The following TUBGCP3 variants were observed in gnomAD, a reference collection of about 807,000 sequenced individuals.
TUBGCP3 encodes the protein gamma-tubulin complex component 3.
TUBGCP3 carries 50 observed loss-of-function variants against 123.1 expected under a neutral mutation model. That is an observed-to-expected ratio of 0.41 (90% CI 0.32 to 0.51). The LOEUF is 0.51. Among genes scored for constraint, TUBGCP3 ranks in the 20% least tolerant of loss-of-function variants. TUBGCP3 has a pLI of 0.36. For missense variants in TUBGCP3, 882 were observed against 1,127.0 expected (o/e 0.78, Z 3.11); for synonymous variants, 405 against 413.9 (o/e 0.98, Z 0.26).
chr13:112,554,854 G>T (rs1217322375), intron 7 of TUBGCP3, 33 bp downstream of exon 7: 2 of 1,471,984 alleles, frequency 1.4e-6, no homozygotes, highest in South Asian at 1.2e-5. Flanking sequence ...TTTTCTTTCT[G>T]AATATTTTAA....
chr13:112,561,033 G>A (rs1389466478), intron 3 of TUBGCP3, among the ~76,000 whole-genome samples: 1 of 152,262 alleles, frequency 6.6e-6, no homozygotes, highest in Non-Finnish European at 1.5e-5. Flanking sequence ...ACATCGGAAT[G>A]AGGCCTCCAC....
At chr13:112,587,779 C>T in intron 1 of TUBGCP3, 126 bp downstream of exon 1, 1 of 818,944 alleles carries the variant, frequency 1.2e-6, no homozygotes, top group Non-Finnish European at 1.8e-6. Flanking sequence ...GTCCTCGGCC[C>T]GTCCCCCAGC....
chr13:112,530,080 G>A lies in TUBGCP3; in HGVS notation c.1336-2596C>T, dbSNP rs561021669. Among the ~76,000 whole-genome samples the A allele has an allele frequency of 1.7e-4, 26 of 152,230 alleles. 1 individual carries two copies. Among genetic ancestry groups the A allele is most frequent in the Middle Eastern group, 3.4e-3 (1 of 294 alleles). ...AGACATAATTCTCAGGTTGCTTAAC[G>A]TATTCTAGGCCACAGAAATACACAT... On this transcript the variant is annotated intron_variant, in intron 11 of 21. Transcript: ENST00000261965.
intron 8 of TUBGCP3, among the ~76,000 whole-genome samples, chr13:112,551,188 G>C (rs1033589957): frequency 6.6e-6 from 1 of 152,212 alleles, no homozygotes; most frequent in Admixed American, 6.5e-5. Context: ...AGGTGTATGT[G>C]AGTCAGCTTC....
rs939500154 is a variant in TUBGCP3 at position 112,524,615 on chromosome 13, G to A, written c.1556-2106C>T. ...ATCTCTATTCCAGGAACAATCTGGG[G>A]TCTATGTACCCCCCCACAAAAAAAT... is the stretch of plus-strand genomic sequence containing the variant. On this transcript the variant is annotated intron_variant, in intron 13 of 21. Transcript: ENST00000261965. This position sits in a 1 kb window ranked among gnomAD's most constrained non-coding sequence, Gnocchi z 4.4. 6.6e-6 allele frequency among the ~76,000 whole-genome samples: 1 copy of A among 152,144 alleles called. No homozygotes were observed. Among genetic ancestry groups the A allele is most frequent in the Non-Finnish European group, 1.5e-5 (1 of 68,030 alleles).
At chr13:112,531,234 C>T (rs1877545404) in intron 11 of TUBGCP3, among the ~76,000 whole-genome samples, 2 of 152,180 alleles carry the variant, frequency 1.3e-5, no homozygotes, top group South Asian at 4.1e-4. Flanking sequence ...TTTTTATGAC[C>T]ATAGGGAAGA....
chr13:112,529,171 T>C (rs1300657815), intron 11 of TUBGCP3, among the ~76,000 whole-genome samples: 1 of 152,188 alleles, frequency 6.6e-6, no homozygotes, highest in Non-Finnish European at 1.5e-5. Flanking sequence ...AGATCTTTAA[T>C]TCCTCTGGAA....
Position 112,504,694 on chromosome 13 carries a change from G to C in TUBGCP3, c.2107C>G (p.Gln703Glu). ...NMPEFSGVLH[Q>E]CHILASEMVH... ...ATCTCAGAGGCCAAAATGTGACACT[G>C]GTGCAGCACCCCGGAGAACTCTGCA... The change falls in exon 18 of 22, where the codon CAG becomes GAG. Residue 703 changes from glutamine (Q) to glutamate (E), a missense_variant. By Grantham distance (29) the Gln-to-Glu change is conservative. This residue lies in a region of TUBGCP3 where 713 missense variants were observed against 874.0 expected (regional missense o/e 0.82). Coordinates refer to ENST00000261965, the MANE Select transcript of TUBGCP3 (RefSeq NM_006322.6). 6.2e-7 allele frequency: 1 copy of C among 1,613,856 alleles called. No individual in the cohort carries two copies. The highest frequency in any genetic ancestry group is 1.1e-5 in the South Asian group (1 of 91,012).
At chr13:112,571,088 T>A (rs950423220) in intron 1 of TUBGCP3, among the ~76,000 whole-genome samples, 10 of 152,224 alleles carry the variant, frequency 6.6e-5, no homozygotes, top group Non-Finnish European at 1.5e-4. Flanking sequence ...TCATCCATCA[T>A]GGCTGGAATC....
intron 13 of TUBGCP3, among the ~76,000 whole-genome samples, chr13:112,525,071 C>T (rs931507813): frequency 2.0e-5 from 3 of 152,206 alleles, no homozygotes; most frequent in African/African-American, 7.2e-5. Flanking sequence ...TCCAGTAACA[C>T]CTGTAGCTAA....
chr13:112,582,618 A>C (rs1882354772), intron 1 of TUBGCP3, among the ~76,000 whole-genome samples: 1 of 152,144 alleles, frequency 6.6e-6, no homozygotes, highest in Non-Finnish European at 1.5e-5. Context: ...TCAGTCAGTC[A>C]CTCCATCGAG....
rs1345561476 is a variant in TUBGCP3 at position 112,485,516 on chromosome 13, A to G, written c.*477T>C. ...TAAAAAAAAATAAAATGCTCTATAT[A>G]TTTTCTTAGTTGGGACATTTTGTTT... On this transcript the variant is annotated 3_prime_UTR_variant, in exon 22 of 22. Coordinates refer to ENST00000261965, the MANE Select transcript of TUBGCP3 (RefSeq NM_006322.6). 4 of 153,640 alleles carry G rather than the reference A, an allele frequency of 2.6e-5. No homozygotes were observed. The highest frequency in any genetic ancestry group is 9.6e-5 in the African/African-American group (4 of 41,472). 9.5% of individuals were successfully genotyped at this position (153,640 alleles called of 1,614,324 possible).
chr13:112,522,577 G>A, intron 13 of TUBGCP3, 68 bp from the exon 14 acceptor site: 1 of 1,501,698 alleles, frequency 6.7e-7, no homozygotes, highest in Non-Finnish European at 9.1e-7. Flanking sequence ...GAGAAATGAA[G>A]GCACATACAT....
At chr13:112,600,558 T>C in the TUBGCP3 span, among the ~76,000 whole-genome samples, 20,883 of 152,206 alleles carry the variant, frequency 0.14, 2,454 homozygotes, top group African/African-American at 0.32. Context: ...TAAATTACTT[T>C]AGAAGTCAAG....
At chr13:112,598,088 T>G in the TUBGCP3 span, among the ~76,000 whole-genome samples, 1 of 152,098 alleles carries the variant, frequency 6.6e-6, no homozygotes, top group Admixed American at 6.6e-5. Context: ...GGCGCACCAA[T>G]TAACCTGATA....
At chr13:112,604,075 G>A in the TUBGCP3 span, 53,299 of 151,954 alleles carry the variant, frequency 0.35, 10,602 homozygotes, top group African/African-American at 0.54. Flanking sequence ...TGTGTTAATG[G>A]TGAACTCATA....
rs565647953 is a variant in TUBGCP3 at position 112,578,510 on chromosome 13, G to A, written c.77-9251C>T. Among the ~76,000 whole-genome samples, 70 of 125,108 alleles carry A rather than the reference G, an allele frequency of 5.6e-4. 1 individual carries two copies. Among genetic ancestry groups the A allele is most frequent in the African/African-American group, 2.0e-3 (66 of 32,566 alleles). 82.1% of individuals were successfully genotyped at this position (125,108 alleles called of 152,430 possible). A position where few individuals can be genotyped will look rare whatever the true frequency, so the allele number is the denominator to read the frequency against. On this transcript the variant is annotated intron_variant, in intron 1 of 21. Transcript: ENST00000261965. ...AGAGGCGGAGCTTGCAGTGAGCCGG[G>A]ATAGCGCCACTGCAGTCCAGCTTGG... is the stretch of plus-strand genomic sequence containing the variant.
At chr13:112,603,612 G>A in the TUBGCP3 span, 1 of 152,334 alleles carries the variant, frequency 6.6e-6, no homozygotes, top group Non-Finnish European at 1.5e-5. Flanking sequence ...TGTAGTCCCA[G>A]TTACTTGCGA....
At chr13:112,587,859 GC>G in intron 1 of TUBGCP3, 45 bp downstream of exon 1, 10 of 1,531,482 alleles carry the variant, frequency 6.5e-6, no homozygotes, top group Middle Eastern at 1.7e-4. Context: ...GCAGGGAGCA[GC>G]CCCCGGGACG....
Sources: gnomAD v4.1 joint callset for allele counts (sites outside exome capture counted in the v4.1 genomes callset) on GRCh38, gnomAD v4.1.1 for gene constraint, gnomAD v4.1.1 regional missense constraint, Gnocchi (gnomAD v3.1) non-coding constraint, MANE v1.5 for transcripts, NCBI Gene and HGNC (gene_info 2026-07-23, HGNC 2026-07-21) for gene names.